Variants in MISP observed in about 807,000 individuals in gnomAD.
MISP encodes the protein mitotic interactor and substrate of PLK1.
Under a neutral mutation model 49.3 loss-of-function variants are expected in MISP, and 51 were observed. The observed-to-expected ratio is 1.03, with a 90% confidence interval of 0.83 to 1.31. MISP has a LOEUF of 1.31. Among genes scored for constraint, MISP ranks in the 50% most tolerant of loss-of-function variants. MISP has a pLI of 0.00. For synonymous variants in MISP, 444 were observed against 392.6 expected (o/e 1.13, Z -1.55); for missense variants, 1,084 against 935.1 (o/e 1.16, Z -2.08).
chr19:749,557 G>A (rs370543027), upstream of MISP, among the ~76,000 whole-genome samples: 22 of 152,304 alleles, frequency 1.4e-4, no homozygotes, highest in South Asian at 3.7e-3. Context: ...TTGGCCAGGC[G>A]CCGTGGCTCG....
In MISP at chr19:763,840, G is replaced by A. The variant is rs1441421395; in HGVS notation, c.*250G>A. 3.9e-6 allele frequency: 2 copies of A among 506,722 alleles called. No individual in the cohort carries two copies. Among genetic ancestry groups the A allele is most frequent in the East Asian group, 3.4e-5 (1 of 29,720 alleles). 31.4% of individuals were successfully genotyped at this position (506,722 alleles called of 1,614,324 possible). ...TTGGGGATGAAATGGGACCCCTGCTGATTCTTTCTGCTTCTAAGACTTTGC... is the reference window on the plus strand; with the variant it reads ...TTGGGGATGAAATGGGACCCCTGCTAATTCTTTCTGCTTCTAAGACTTTGC... On this transcript the variant is annotated 3_prime_UTR_variant, in exon 5 of 5. Transcript: ENST00000215582.
Position 757,281 on chromosome 19 carries a change from G to T in MISP, c.335G>T (p.Arg112Leu), listed in dbSNP as rs777805239. Residue 112 changes from arginine (R) to leucine (L), a missense_variant, in exon 2 of 5, where the codon CGC (arginine) becomes CTC (leucine). Arg to Leu is a moderately radical substitution (Grantham distance 102). Coordinates refer to ENST00000215582, the MANE Select transcript of MISP (RefSeq NM_173481.4). The part of the protein sequence containing the change: ...AHQGRPTWAL[R>L]PEDGEDKEMK... Reference sequence around the variant, plus strand: ...CAGGGACGTCCAACATGGGCACTCCGCCCAGAGGACGGGGAGGACAAGGAG... The same window carrying T: ...CAGGGACGTCCAACATGGGCACTCCTCCCAGAGGACGGGGAGGACAAGGAG... 1.9e-6 allele frequency: 3 copies of T among 1,613,868 alleles called. No individual in the cohort carries two copies. Among genetic ancestry groups the T allele is most frequent in the African/African-American group, 2.7e-5 (2 of 74,922 alleles).
At position 758,305 on chromosome 19, in the gene MISP, G is replaced by A. The variant is rs535976351; in HGVS notation, c.1359G>A (p.Ala453=). The A allele has an allele frequency of 2.8e-5, 45 of 1,613,936 alleles. No individual in the cohort carries two copies. Among genetic ancestry groups the A allele is most frequent in the African/African-American group, 8.0e-5 (6 of 74,930 alleles). The stretch of plus-strand genomic sequence containing the variant: ...GCAAGCCCAGCAGTCTCTCCACAGC[G>A]GAGGCCAAGGCTGCGACTTCACCAA... ...AFGKPSSLST[A]EAKAATSPKA... is the part of the protein sequence containing the mutation. The change falls in exon 2 of 5, where the codon GCG becomes GCA. Residue 453 remains alanine (A), a synonymous_variant. Coordinates refer to ENST00000215582, the MANE Select transcript of MISP (RefSeq NM_173481.4).
chr19:758,855 C>T (rs948425108), intron 2 of MISP, 129 bp downstream of exon 2: 8 of 683,632 alleles, frequency 1.2e-5, no homozygotes, highest in Non-Finnish European at 1.7e-5. Flanking sequence ...CCTGACTGTT[C>T]ATCCCCTCAG....
At position 758,384 on chromosome 19, in the gene MISP, A is replaced by T. The variant is rs1398947480; in HGVS notation, c.1438A>T (p.Thr480Ser). 6.2e-7 allele frequency: 1 copy of T among 1,614,212 alleles called. No individual in the cohort carries two copies. The highest frequency in any genetic ancestry group is 1.7e-5 in the Admixed American group (1 of 60,032). Reference sequence around the variant, plus strand: ...AGAATCCTCTGGAAAACCCCTGAGCACAAAGCAAGAGGCATCGAAGCCCCC... The same window carrying T: ...AGAATCCTCTGGAAAACCCCTGAGCTCAAAGCAAGAGGCATCGAAGCCCCC... Reference protein sequence around the residue: ...LSESSGKPLSTKQEASKPPRG... With the variant: ...LSESSGKPLSSKQEASKPPRG... The change falls in exon 2 of 5, where the codon ACA becomes TCA. Residue 480 changes from threonine to serine, a missense_variant. Physicochemically the swap from Thr to Ser is moderately conservative, Grantham distance 58. Transcript: ENST00000215582.
chr19:762,322 G>A (rs1054485343), intron 4 of MISP, among the ~76,000 whole-genome samples: 2 of 150,552 alleles, frequency 1.3e-5, no homozygotes, highest in African/African-American at 4.9e-5. Flanking sequence ...GCTTGACCTC[G>A]GCTCACTGCA....
At chr19:762,570 G>A (rs920793911) in intron 4 of MISP, among the ~76,000 whole-genome samples, 11 of 152,296 alleles carry the variant, frequency 7.2e-5, no homozygotes, top group African/African-American at 2.6e-4. Flanking sequence ...CTTTCTTTGA[G>A]GAAGGTATGC....
At chr19:756,823 G>T in intron 1 of MISP, 67 bp from the exon 2 acceptor site, 1 of 782,776 alleles carries the variant, frequency 1.3e-6, no homozygotes, top group Non-Finnish European at 2.0e-6. Context: ...CCCTTTGGGG[G>T]ACTGGAGGCT....
At position 759,904 on chromosome 19, in the gene MISP, T is replaced by C; in HGVS notation, c.1781-5T>C. 1 of 1,613,964 alleles carries C rather than the reference T, an allele frequency of 6.2e-7. No individual in the cohort carries two copies. Among genetic ancestry groups the C allele is most frequent in the Non-Finnish European group, 8.5e-7 (1 of 1,179,880 alleles). ...TAATGTTCTGCCCTCCCTGCTCCCC[T>C]ACAGGCATCACGGGCAGTTACTCGG... is the stretch of plus-strand genomic sequence containing the variant. On this transcript the variant is annotated splice_polypyrimidine_tract_variant and splice_region_variant and intron_variant, in intron 2 of 4. Coordinates refer to ENST00000215582, the MANE Select transcript of MISP (RefSeq NM_173481.4).
chr19:757,876 G>A lies in MISP; in HGVS notation c.930G>A (p.Gln310=). 1.2e-6 allele frequency: 2 copies of A among 1,608,910 alleles called. No homozygotes were observed. Among genetic ancestry groups the A allele is most frequent in the Non-Finnish European group, 1.7e-6 (2 of 1,179,754 alleles). Residue 310 remains glutamine, a synonymous_variant, in exon 2 of 5, where the codon CAG becomes CAA. Coordinates refer to ENST00000215582, the MANE Select transcript of MISP (RefSeq NM_173481.4). ...AQEREADLRE[Q]RGLRQATDHQ... Reference sequence around the variant, plus strand: ...AGCGTGAGGCAGACCTGCGAGAGCAGAGGGGGCTTCGGCAGGCAACCGACC... The same window carrying A: ...AGCGTGAGGCAGACCTGCGAGAGCAAAGGGGGCTTCGGCAGGCAACCGACC...
chr19:758,725 C>A lies in MISP; in HGVS notation c.1779C>A (p.Ser593=), dbSNP rs187115108. The A allele has an allele frequency of 6.2e-7, 1 of 1,610,294 alleles. No homozygotes were observed. The highest frequency in any genetic ancestry group is 8.5e-7 in the Non-Finnish European group (1 of 1,177,636). The change falls in exon 2 of 5, where the codon TCC becomes TCA. Residue 593 remains serine (S), a splice_region_variant and synonymous_variant. Transcript: ENST00000215582. The part of the protein sequence containing the change: ...DQNSRSSSQA[S]GITGSYSVSE... ...ACTCCAGGAGCTCCTCCCAGGCATC[C>A]GGTGAGAAGGGGCTCCAGGGAGTGG...
In MISP at chr19:761,704, C is replaced by G. The variant is rs774727735; in HGVS notation, c.1950+41C>G. ...GGCACGAAGACTCAAGTCTTTCCCC[C>G]CCACATCTGTGCCCCTGCACACAGG... On this transcript the variant is annotated intron_variant, in intron 4 of 4. Coordinates refer to ENST00000215582, the MANE Select transcript of MISP (RefSeq NM_173481.4). 5 of 1,611,738 alleles carry G rather than the reference C, an allele frequency of 3.1e-6. No individual in the cohort carries two copies. The South Asian group carries it at 4.4e-5, about 14-fold the overall frequency.
chr19:760,960 T>C (rs2033663265), intron 3 of MISP, among the ~76,000 whole-genome samples: 1 of 152,030 alleles, frequency 6.6e-6, no homozygotes, highest in South Asian at 2.1e-4. Context: ...GCCTTGTTGT[T>C]AGACATGTAA....
Position 763,628 on chromosome 19 carries a change from A to C in MISP, c.*38A>C, listed in dbSNP as rs1555694239. On this transcript the variant is annotated 3_prime_UTR_variant, in exon 5 of 5. Coordinates refer to ENST00000215582, the MANE Select transcript of MISP (RefSeq NM_173481.4). The stretch of plus-strand genomic sequence containing the variant: ...GGCGCCCACCCCCTGCCCTGCCCTG[A>C]CCCTCGTGGGAACTGCCAAGACCAT... The C allele has an allele frequency of 6.7e-7, 1 of 1,499,232 alleles. No individual in the cohort carries two copies. Among genetic ancestry groups the C allele is most frequent in the Admixed American group, 1.7e-5 (1 of 58,312 alleles). The allele number at this position is 1,499,232 out of a possible 1,614,324, so 92.9% of individuals were successfully genotyped here. A position where few individuals can be genotyped will look rare whatever the true frequency, so the allele number is the denominator to read the frequency against.
chr19:757,018 T>A lies in MISP; in HGVS notation c.72T>A (p.Asp24Glu). 1 of 1,605,618 alleles carries A rather than the reference T, an allele frequency of 6.2e-7. No homozygotes were observed. Among genetic ancestry groups the A allele is most frequent in the Non-Finnish European group, 8.5e-7 (1 of 1,176,050 alleles). The change falls in exon 2 of 5, where the codon GAT (aspartate) becomes GAA (glutamate). Residue 24 changes from aspartate (D) to glutamate (E), a missense_variant. Asp to Glu is a conservative substitution (Grantham distance 45). Transcript: ENST00000215582. Reference sequence around the variant, plus strand: ...ACCGTGGCACCGGCCTGGTGCTGGATGGAGACACCAGCTACACATACCATC... The same window carrying A: ...ACCGTGGCACCGGCCTGGTGCTGGAAGGAGACACCAGCTACACATACCATC... ...QAHRGTGLVL[D>E]GDTSYTYHLV...
Position 758,676 on chromosome 19 carries a change from C to G in MISP, c.1730C>G (p.Thr577Arg), listed in dbSNP as rs184245064. Reference protein sequence around the residue: ...NALFPEVFSPTPDENSDQNSR... With the variant: ...NALFPEVFSPRPDENSDQNSR... ...CTCTTCCCAGAGGTCTTCTCCCCAACGCCAGATGAGAACTCTGACCAGAAC... is the reference window on the plus strand; with the variant it reads ...CTCTTCCCAGAGGTCTTCTCCCCAAGGCCAGATGAGAACTCTGACCAGAAC... Residue 577 changes from threonine to arginine, a missense_variant, in exon 2 of 5, where the codon ACG (threonine) becomes AGG (arginine). Coordinates refer to ENST00000215582, the MANE Select transcript of MISP (RefSeq NM_173481.4). The G allele has an allele frequency of 1.1e-5, 18 of 1,614,204 alleles. No homozygotes were observed. The highest frequency in any genetic ancestry group is 8.0e-5 in the African/African-American group (6 of 75,064).
chr19:755,344 A>C (rs2033533238), intron 1 of MISP, among the ~76,000 whole-genome samples: 1 of 152,194 alleles, frequency 6.6e-6, no homozygotes, highest in Admixed American at 6.5e-5. Flanking sequence ...TCCTTTGCCC[A>C]TCCTGGCTTT....
intron 3 of MISP, among the ~76,000 whole-genome samples, chr19:760,955 GTTGT>G (rs1339543373): frequency 6.6e-6 from 1 of 151,810 alleles, no homozygotes; most frequent in Non-Finnish European, 1.5e-5. Context: ...TTGATGCCTT[GTTGT>G]TAGACATGTA....
In MISP at chr19:763,667, C is replaced by T; in HGVS notation, c.*77C>T. The T allele has an allele frequency of 9.3e-7, 1 of 1,072,224 alleles. No homozygotes were observed. The highest frequency in any genetic ancestry group is 1.4e-6 in the Non-Finnish European group (1 of 714,480). The allele number at this position is 1,072,224 out of a possible 1,614,324, so 66.4% of individuals were successfully genotyped here. On this transcript the variant is annotated 3_prime_UTR_variant, in exon 5 of 5. Coordinates refer to ENST00000215582, the MANE Select transcript of MISP (RefSeq NM_173481.4). ...TGCCAAGACCATCGCCAAGCCCCCA[C>T]CCTAGGAAATGGGTCCTAGGTCCAG...
Sources: gnomAD v4.1 joint callset for allele counts (sites outside exome capture counted in the v4.1 genomes callset) on GRCh38, gnomAD v4.1.1 for gene constraint, MANE v1.5 for transcripts, NCBI Gene and HGNC (gene_info 2026-07-23, HGNC 2026-07-21) for gene names.